The following WDR35 variants were observed in gnomAD, a reference collection of about 807,000 sequenced individuals.
The protein encoded by WDR35 is WD repeat-containing protein 35.
Under a neutral mutation model 158.3 loss-of-function variants are expected in WDR35, and 118 were observed. The ratio of observed to expected loss-of-function variants is 0.75; its 90% CI spans 0.64 to 0.87. WDR35 has a LOEUF of 0.87. Among genes scored for constraint, WDR35 ranks in the 40% least tolerant of loss-of-function variants. The pLI, the probability that WDR35 is intolerant of heterozygous loss-of-function variation, is 0.00. For synonymous variants in WDR35, 448 were observed against 476.1 expected, an observed-to-expected ratio of 0.94 and a Z score of 0.77; for missense variants, 1,263 against 1,405.8, an observed-to-expected ratio of 0.90 and a Z score of 1.62.
chr2:19,976,457 A>G (rs540073262), intron 5 of WDR35, among the ~76,000 whole-genome samples: 21 of 152,258 alleles, frequency 1.4e-4, no homozygotes, highest in Non-Finnish European at 2.8e-4. Flanking sequence ...TTATATACTA[A>G]TAGTCCAGAC....
chr2:19,969,390 A>G, intron 9 of WDR35, 90 bp downstream of exon 9: 2 of 1,422,400 alleles, frequency 1.4e-6, no homozygotes, highest in African/African-American at 1.4e-5. Flanking sequence ...GCTAGCTCCT[A>G]AAACAAGACA....
rs1372970066 is a variant in WDR35 at position 19,945,981 on chromosome 2, T to G, written c.1650A>C (p.Ile550=). 1 of 1,613,728 alleles carries G rather than the reference T, an allele frequency of 6.2e-7. No homozygotes were observed. The highest frequency in any genetic ancestry group is 1.3e-5 in the African/African-American group (1 of 74,900). Residue 550 remains isoleucine, a synonymous_variant, in exon 16 of 27, where the codon ATA becomes ATC. Coordinates refer to ENST00000281405, the MANE Select transcript of WDR35 (RefSeq NM_020779.4). ...LNCNSSRLAI[I]DISGVLTFFD... ...AGAAAGTCAGAACTCCTGAGATGTC[T>G]ATGATAGCAAGACGGCTAAAAACAA... is the stretch of plus-strand genomic sequence containing the variant.
chr2:19,982,048 G>T (rs1672398189), intron 3 of WDR35, among the ~76,000 whole-genome samples: 1 of 152,158 alleles, frequency 6.6e-6, no homozygotes, highest in South Asian at 2.1e-4. Flanking sequence ...CTACTTAAAT[G>T]ACTTTTCGGT....
rs1669869126 is a variant in WDR35, at chr2:19,912,535, C to A, written c.*1023G>T. 6.6e-6 allele frequency: 1 copy of A among 152,190 alleles called. No homozygotes were observed. The highest frequency in any genetic ancestry group is 2.4e-5 in the African/African-American group (1 of 41,444). 9.4% of individuals were successfully genotyped at this position (152,190 alleles called of 1,614,324 possible). A position where few individuals can be genotyped will look rare whatever the true frequency, so the allele number is the denominator to read the frequency against. On this transcript the variant is annotated 3_prime_UTR_variant, in exon 27 of 27. Coordinates refer to ENST00000281405, the MANE Select transcript of WDR35 (RefSeq NM_020779.4). ...ATGAGATTGAGAAAGTGTATTGTAGCTGCAAAAACAAAGTTGCGTATCTCT... is the reference window on the plus strand; with the variant it reads ...ATGAGATTGAGAAAGTGTATTGTAGATGCAAAAACAAAGTTGCGTATCTCT...
Position 19,988,779 on chromosome 2 carries a change from T to C in WDR35, c.142+386A>G, listed in dbSNP as rs1451879320. 1.1e-4 allele frequency among the ~76,000 whole-genome samples: 17 copies of C among 152,294 alleles called. 1 individual carries two copies. In the South Asian group the frequency reaches 3.1e-3, roughly 28 times the overall value. ...TTCTTGGACACTAGGTGAATAACCA[T>C]TAATGCATCTGATAAGCAGAAAGGA... On this transcript the variant is annotated intron_variant, in intron 2 of 26. Transcript: ENST00000281405.
chr2:19,955,271 A>T (rs1490192545), intron 11 of WDR35, among the ~76,000 whole-genome samples: 1 of 152,148 alleles, frequency 6.6e-6, no homozygotes, highest in East Asian at 1.9e-4. Flanking sequence ...TTCTACTCTA[A>T]TTTAGAAAAG....
At chr2:19,987,453 G>A (rs952483357) in intron 2 of WDR35, among the ~76,000 whole-genome samples, 2 of 152,020 alleles carry the variant, frequency 1.3e-5, no homozygotes, top group African/African-American at 4.8e-5. Context: ...CTCATCAAAA[G>A]GGCAGAGCAG....
intron 16 of WDR35, among the ~76,000 whole-genome samples, chr2:19,943,900 A>G (rs1670954182): frequency 6.6e-6 from 1 of 152,118 alleles, no homozygotes; most frequent in Admixed American, 6.6e-5. Context: ...TTTACAGCTT[A>G]GATAAAGGTA....
At chr2:19,926,529 T>C (rs1670360054) in intron 25 of WDR35, among the ~76,000 whole-genome samples, 1 of 152,242 alleles carries the variant, frequency 6.6e-6, no homozygotes, top group African/African-American at 2.4e-5. Context: ...AATGCTCAGT[T>C]ATGATTTCAT....
In WDR35 at chr2:19,913,526, T is replaced by C. The variant is rs1480944138; in HGVS notation, c.*32A>G. The stretch of plus-strand genomic sequence containing the variant: ...TATAGCCATGTATATATGCTACATA[T>C]ATTTTACAGTTATATACAGTTTATC... On this transcript the variant is annotated 3_prime_UTR_variant, in exon 27 of 27. Coordinates refer to ENST00000281405, the MANE Select transcript of WDR35 (RefSeq NM_020779.4). The C allele has an allele frequency of 6.2e-7, 1 of 1,613,584 alleles. No individual in the cohort carries two copies. The highest frequency in any genetic ancestry group is 8.5e-7 in the Non-Finnish European group (1 of 1,179,520).
intron 17 of WDR35, among the ~76,000 whole-genome samples, chr2:19,939,366 T>C (rs756017034): frequency 1.3e-5 from 2 of 152,104 alleles, no homozygotes; most frequent in Non-Finnish European, 2.9e-5. Context: ...TCTTTTAGAG[T>C]AGAAAGACAA....
At chr2:19,913,900 A>C (rs1669911727) in intron 26 of WDR35, 137 bp downstream of exon 26, 1 of 1,431,870 alleles carries the variant, frequency 7.0e-7, no homozygotes, top group African/African-American at 1.4e-5. Context: ...ACTTGTAAAA[A>C]TAAATAAAAT....
intron 16 of WDR35, 102 bp downstream of exon 16, chr2:19,945,684 C>A (rs1222672101): frequency 7.8e-7 from 1 of 1,274,080 alleles, no homozygotes; most frequent in Non-Finnish European, 1.1e-6. Flanking sequence ...CGTGTTGGCA[C>A]TGCTATTCAA....
At chr2:19,981,157 T>C (rs1672370174) in intron 3 of WDR35, among the ~76,000 whole-genome samples, 1 of 152,184 alleles carries the variant, frequency 6.6e-6, no homozygotes, top group Non-Finnish European at 1.5e-5. Context: ...GGGACTTTTA[T>C]CATTTTTGGT....
At chr2:19,971,059 CAG>C (rs35754492) in intron 8 of WDR35, among the ~76,000 whole-genome samples, 34,403 of 151,844 alleles carry the variant, frequency 0.23, 3,931 homozygotes, top group African/African-American at 0.25. Flanking sequence ...AATAAATAAA[CAG>C]TACTTTTTAT....
intron 4 of WDR35, among the ~76,000 whole-genome samples, chr2:19,979,772 T>TACATACACACACAC (rs1553324041): frequency 1.4e-5 from 2 of 146,188 alleles, no homozygotes; most frequent in Non-Finnish European, 3.0e-5. Flanking sequence ...TTCTATCCCC[T>TACATACACACACAC]ACACACACAC....
intron 10 of WDR35, chr2:19,962,339 T>C (rs894990243): frequency 3.7e-6 from 6 of 1,612,604 alleles, no homozygotes; most frequent in Non-Finnish European, 5.1e-6. Flanking sequence ...TTTGAAGCAA[T>C]ATATAAATGA....
intron 8 of WDR35, 110 bp downstream of exon 8, chr2:19,973,453 C>T (rs1451747588): frequency 7.5e-7 from 1 of 1,327,120 alleles, no homozygotes; most frequent in Non-Finnish European, 1.1e-6. Context: ...ATGAAATGTC[C>T]CTAAAAGAAA....
In WDR35 at chr2:19,980,680, G is replaced by A. The variant is rs753933961; in HGVS notation, c.307+11C>T. 4.4e-6 allele frequency: 7 copies of A among 1,607,604 alleles called. No individual in the cohort carries two copies. The South Asian group carries it at 7.7e-5, about 18-fold the overall frequency. ...GTGAAAAATTAAATAATCTCTCCTA[G>A]TAAAGTATACCTTTATATAACATCC... On this transcript the variant is annotated intron_variant, in intron 4 of 26. Coordinates refer to ENST00000281405, the MANE Select transcript of WDR35 (RefSeq NM_020779.4).
Sources: allele counts gnomAD v4.1 joint callset (sites outside exome capture counted in the v4.1 genomes callset), GRCh38; gene constraint gnomAD v4.1.1; transcripts MANE v1.5; gene names NCBI Gene and HGNC (gene_info 2026-07-23, HGNC 2026-07-21).